RDH13: variants seen among roughly 807,000 people sequenced by gnomAD.
RDH13 encodes the protein retinol dehydrogenase 13 (all-trans and 9-cis).
In RDH13, 35 loss-of-function variants were observed where a neutral mutation model predicts 28.3. That is an observed-to-expected ratio of 1.24 (90% CI 0.95 to 1.64). The LOEUF is 1.64. Among genes scored for constraint, RDH13 ranks in the 40% most tolerant of loss-of-function variants. The probability of loss-of-function intolerance (pLI) is 0.00; values close to 1 mark genes in which losing one functional copy is unlikely to be tolerated. For synonymous variants in RDH13, 229 were observed against 198.5 expected (o/e 1.15, Z -1.29); for missense variants, 514 against 446.3 (o/e 1.15, Z -1.37).
At chr19:55,045,577 C>T (rs530063596) in intron 6 of RDH13, among the ~76,000 whole-genome samples, 1 of 152,304 alleles carries the variant, frequency 6.6e-6, no homozygotes, top group Non-Finnish European at 1.5e-5. Flanking sequence ...TCTTGGTCAG[C>T]CCCAGTCCTC....
intron 5 of RDH13, chr19:55,048,042 T>TCA (rs2075295283): frequency 6.9e-7 from 1 of 1,458,356 alleles, no homozygotes; most frequent in South Asian, 1.4e-5. Context: ...TGGTTGAGAC[T>TCA]CACTGGCTGG....
In RDH13 at chr19:55,056,488, G is replaced by A. The variant is rs116646788; in HGVS notation, c.340+165C>T. 8.3e-3 allele frequency among the ~76,000 whole-genome samples: 924 copies of A among 111,924 alleles called. 5 individuals are homozygous for A. The highest frequency in any genetic ancestry group is 0.017 in the African/African-American group (505 of 29,256). The allele number at this position is 111,924 out of a possible 152,430, so 73.4% of individuals were successfully genotyped here. A position where few individuals can be genotyped will look rare whatever the true frequency, so the allele number is the denominator to read the frequency against. ...ACAGTAGTAATAAATAAATAAAGTC[G>A]TTGCTTGCAGGCTGTACAAAAAAAG... On this transcript the variant is annotated intron_variant, in intron 3 of 6. Coordinates refer to ENST00000415061, the MANE Select transcript of RDH13 (RefSeq NM_001145971.2).
intron 1 of RDH13, chr19:55,068,833 CAAGAAAGAAAGAAAAGAA>C (rs1441415541): frequency 2.5e-5 from 3 of 120,180 alleles, no homozygotes; most frequent in African/African-American, 9.6e-5. Context: ...AAGACTCTGT[CAAGAAAGAAAGAAAAGAA>C]AAGAAAAAAA....
At chr19:55,066,476 CCT>C (rs2075962244), upstream of RDH13, among the ~76,000 whole-genome samples, 2 of 135,026 alleles carry the variant, frequency 1.5e-5, no homozygotes, top group Non-Finnish European at 3.2e-5. Flanking sequence ...TCTCTCTCTT[CCT>C]CTGTCCTCTT....
chr19:55,048,843 C>T, intron 3 of RDH13, 80 bp from the exon 4 acceptor site: 1 of 1,213,172 alleles, frequency 8.2e-7, no homozygotes, highest in Non-Finnish European at 1.2e-6. Flanking sequence ...CACTCCTGTG[C>T]TCCCACAACC....
At chr19:55,055,051 CA>C (rs2075586098) in intron 3 of RDH13, among the ~76,000 whole-genome samples, 1 of 152,104 alleles carries the variant, frequency 6.6e-6, no homozygotes, top group South Asian at 2.1e-4. Context: ...CCCAGTTTTA[CA>C]TAAAAATATA....
rs1352689973 is a variant in RDH13 at position 55,044,957 on chromosome 19, A to G, written c.*117T>C. 3 of 735,918 alleles carry G rather than the reference A, an allele frequency of 4.1e-6. No individual in the cohort carries two copies. Among genetic ancestry groups the G allele is most frequent in the Non-Finnish European group, 6.6e-6 (3 of 452,946 alleles). 45.6% of individuals were successfully genotyped at this position (735,918 alleles called of 1,614,324 possible). A position where few individuals can be genotyped will look rare whatever the true frequency, so the allele number is the denominator to read the frequency against. On this transcript the variant is annotated 3_prime_UTR_variant, in exon 7 of 7. Transcript: ENST00000415061. ...CCGCCCCCTAGAACCTACTGCGGGC[A>G]TGGCGGCCGCCAGTCCTGGGTCTCC...
chr19:55,063,313 G>A (rs988442040), upstream of RDH13: 1 of 378,710 alleles, frequency 2.6e-6, no homozygotes, highest in Admixed American at 4.6e-5. Flanking sequence ...CGGGGGCGGG[G>A]CCTATGGTTT....
chr19:55,040,235 C>G (rs1671213), downstream of RDH13: 2 of 152,738 alleles, frequency 1.3e-5, no homozygotes, highest in Non-Finnish European at 2.9e-5. Flanking sequence ...CTTGGCTCAC[C>G]GCAACCTCCG....
intron 3 of RDH13, among the ~76,000 whole-genome samples, chr19:55,054,757 T>C (rs1602757199): frequency 6.6e-6 from 1 of 151,338 alleles, no homozygotes; most frequent in African/African-American, 2.4e-5. Context: ...TTTTAATCTT[T>C]GGTACACACA....
rs568235118 is a variant in RDH13, at chr19:55,051,497, C to T, written c.341-2734G>A. Among the ~76,000 whole-genome samples the T allele has an allele frequency of 1.9e-4, 28 of 151,320 alleles. No homozygotes were observed. In the South Asian group the frequency reaches 5.6e-3, roughly 30 times the overall value. On this transcript the variant is annotated intron_variant, in intron 3 of 6. Coordinates refer to ENST00000415061, the MANE Select transcript of RDH13 (RefSeq NM_001145971.2). ...GGAGTGCAGTGGTGTGATCTTGGCC[C>T]ATGGCCCACTGCAACCTCTACCGCC...
In RDH13 at chr19:55,045,048, C is replaced by A; in HGVS notation, c.*26G>T. On this transcript the variant is annotated 3_prime_UTR_variant, in exon 7 of 7. Coordinates refer to ENST00000415061, the MANE Select transcript of RDH13 (RefSeq NM_001145971.2). ...GCTGTCCTCGGTCTGGAGGCGCCATCCTGGCTTTCAAATCTGCTCCAGAGG... is the reference window on the plus strand; with the variant it reads ...GCTGTCCTCGGTCTGGAGGCGCCATACTGGCTTTCAAATCTGCTCCAGAGG... The A allele has an allele frequency of 6.6e-7, 1 of 1,526,012 alleles. No homozygotes were observed. Among genetic ancestry groups the A allele is most frequent in the Non-Finnish European group, 8.9e-7 (1 of 1,123,250 alleles). 94.5% of individuals were successfully genotyped at this position (1,526,012 alleles called of 1,614,324 possible).
At chr19:55,060,651 G>C (rs1159387283) in intron 1 of RDH13, among the ~76,000 whole-genome samples, 1 of 152,080 alleles carries the variant, frequency 6.6e-6, no homozygotes, top group Non-Finnish European at 1.5e-5. Flanking sequence ...CACCCAACTA[G>C]AAATACCCAC....
At chr19:55,050,350 C>T (rs1253536489) in intron 3 of RDH13, among the ~76,000 whole-genome samples, 3 of 152,044 alleles carry the variant, frequency 2.0e-5, no homozygotes, top group East Asian at 1.9e-4. Context: ...CTCCTGACCT[C>T]GTGATCCACC....
At chr19:55,053,491 T>TA (rs1257926572) in intron 3 of RDH13, among the ~76,000 whole-genome samples, 2 of 151,314 alleles carry the variant, frequency 1.3e-5, no homozygotes, top group East Asian at 1.9e-4. Flanking sequence ...CCGTCTCTAG[T>TA]AAAAAATATA....
At chr19:55,047,894 T>G (rs2075290775) in intron 5 of RDH13, 1 of 501,122 alleles carries the variant, frequency 2.0e-6, no homozygotes, top group East Asian at 4.4e-5. Flanking sequence ...TTGGGAGGAG[T>G]GAGGGGCCAT....
At chr19:55,039,999 A>G (rs1425509816), downstream of RDH13, among the ~76,000 whole-genome samples, 2 of 152,218 alleles carry the variant, frequency 1.3e-5, no homozygotes, top group East Asian at 3.8e-4. Context: ...TCATAGAGAC[A>G]GGGATTAGAA....
downstream of RDH13, chr19:55,041,624 G>A (rs371491410): frequency 1.9e-4 from 29 of 152,376 alleles, no homozygotes; most frequent in African/African-American, 6.5e-4. Context: ...CTTTTTCCTT[G>A]AGAGAACTGT....
chr19:55,048,323 C>T lies in RDH13; in HGVS notation c.658+6G>A, dbSNP rs778097576. On this transcript the variant is annotated splice_donor_region_variant and intron_variant, in intron 5 of 6. Coordinates refer to ENST00000415061, the MANE Select transcript of RDH13 (RefSeq NM_001145971.2). ...AAGAGGGAGGCCGAGCCTAGCGCCC[C>T]CGTACCTTGCAGCCGCCGGCTCAGC... The T allele has an allele frequency of 6.2e-7, 1 of 1,614,096 alleles. No homozygotes were observed.
Sources: allele counts gnomAD v4.1 joint callset (sites outside exome capture counted in the v4.1 genomes callset), GRCh38; gene constraint gnomAD v4.1.1; transcripts MANE v1.5; gene names NCBI Gene and HGNC (gene_info 2026-07-23, HGNC 2026-07-21).